DTNA: variants seen among roughly 807,000 people sequenced by gnomAD.
DTNA encodes the protein dystrophin-related protein 3.
DTNA carries 43 observed loss-of-function variants against 100.7 expected under a neutral mutation model. The ratio of observed to expected loss-of-function variants is 0.43; its 90% CI spans 0.33 to 0.55. DTNA has a LOEUF of 0.55. Ranked by LOEUF, DTNA falls within the 20% of genes least tolerant of loss-of-function variation. The pLI is 0.04. For missense variants in DTNA, 798 were observed against 953.9 expected (o/e 0.84, Z 2.15); for synonymous variants, 349 against 347.9 (o/e 1.00, Z -0.04).
At chr18:34,646,753 A>T (rs2059882578) in intron 1 of DTNA, among the ~76,000 whole-genome samples, 1 of 152,056 alleles carries the variant, frequency 6.6e-6, no homozygotes, top group South Asian at 2.1e-4. Context: ...CTGTCACCAG[A>T]CTGGAGTGCA....
intron 11 of DTNA, among the ~76,000 whole-genome samples, chr18:34,829,734 G>T (rs754523876): frequency 6.6e-6 from 1 of 152,156 alleles, no homozygotes; most frequent in Non-Finnish European, 1.5e-5. Context: ...ATGTATATAT[G>T]TGAAATGTAT....
intron 1 of DTNA, among the ~76,000 whole-genome samples, chr18:34,656,364 C>T (rs545881641): frequency 2.2e-4 from 33 of 152,240 alleles, no homozygotes; most frequent in Admixed American, 1.8e-3. Context: ...ATTTTCTGCA[C>T]GTCTTGCTAG....
At chr18:34,699,086 T>C (rs983776115) in intron 1 of DTNA, among the ~76,000 whole-genome samples, 2 of 151,786 alleles carry the variant, frequency 1.3e-5, no homozygotes, top group Non-Finnish European at 2.9e-5. Context: ...ATTTGAGATA[T>C]GAATTTTTGA....
chr18:34,645,805 G>A (rs966277823), intron 1 of DTNA, among the ~76,000 whole-genome samples: 5 of 150,664 alleles, frequency 3.3e-5, no homozygotes, highest in Non-Finnish European at 7.4e-5. Flanking sequence ...TTTAGAAGCT[G>A]GCTTACATAT....
chr18:34,847,408 C>T (rs1041603155), intron 13 of DTNA, among the ~76,000 whole-genome samples: 7 of 152,022 alleles, frequency 4.6e-5, no homozygotes, highest in Non-Finnish European at 8.8e-5. Context: ...TATTAGTTAC[C>T]TTATGCTGCA....
intron 3 of DTNA, among the ~76,000 whole-genome samples, chr18:34,767,874 G>C (rs2093571428): frequency 6.6e-6 from 1 of 152,232 alleles, no homozygotes; most frequent in Non-Finnish European, 1.5e-5. Context: ...CATCATATAT[G>C]TGTTTTGACT....
chr18:34,594,018 G>C (rs1037246326), intron 1 of DTNA, among the ~76,000 whole-genome samples: 2 of 152,054 alleles, frequency 1.3e-5, no homozygotes, highest in African/African-American at 2.4e-5. Flanking sequence ...GGAGCCTTTA[G>C]AAGATATTCT....
chr18:34,835,143 T>A lies in DTNA; in HGVS notation c.1176-2951T>A, dbSNP rs189475784. Among the ~76,000 whole-genome samples, 7 of 152,288 alleles carry A rather than the reference T, an allele frequency of 4.6e-5. No homozygotes were observed. The East Asian group carries it at 1.4e-3, about 29-fold the overall frequency. The stretch of plus-strand genomic sequence containing the variant: ...ATATTTTTGGCTTCCTGGAAACAGA[T>A]GATGAGAAGAAGAATTTGAGGCTAG... On this transcript the variant is annotated intron_variant, in intron 11 of 22. Coordinates refer to ENST00000444659, the MANE Select transcript of DTNA (RefSeq NM_001386795.1).
chr18:34,579,156 C>T (rs1039312178), intron 1 of DTNA, among the ~76,000 whole-genome samples: 1 of 151,990 alleles, frequency 6.6e-6, no homozygotes, highest in Non-Finnish European at 1.5e-5. Flanking sequence ...ATGTAAGAAC[C>T]TTTAAAAAGT....
chr18:34,624,070 C>T (rs184978614), intron 1 of DTNA, among the ~76,000 whole-genome samples: 102 of 152,194 alleles, frequency 6.7e-4, no homozygotes, highest in African/African-American at 2.4e-3. Context: ...AATGATTTCC[C>T]ATGACTGTCC....
intron 1 of DTNA, among the ~76,000 whole-genome samples, chr18:34,746,919 A>C (rs1427546585): frequency 6.6e-6 from 1 of 152,106 alleles, no homozygotes; most frequent in Non-Finnish European, 1.5e-5. Context: ...AAACCAAACG[A>C]AACCAAATGT....
intron 15 of DTNA, among the ~76,000 whole-genome samples, chr18:34,855,167 C>T (rs1254265876): frequency 6.6e-6 from 1 of 152,134 alleles, no homozygotes; most frequent in African/African-American, 2.4e-5. Context: ...AAGACACTTG[C>T]CAGGCTAGCA....
At position 34,743,718 on chromosome 18, in the gene DTNA, T is replaced by C. The variant is rs867461297; in HGVS notation, c.-1-12258T>C. Among the ~76,000 whole-genome samples, 14 of 152,298 alleles carry C rather than the reference T, an allele frequency of 9.2e-5. No individual in the cohort carries two copies. In the South Asian group the frequency reaches 2.1e-3, roughly 23 times the overall value. ...GTACAAATAATTTTGCAGAAACATA[T>C]AGTAGAATCAGTAGCGAGGAAGGGG... On this transcript the variant is annotated intron_variant, in intron 1 of 22. Coordinates refer to ENST00000444659, the MANE Select transcript of DTNA (RefSeq NM_001386795.1).
At position 34,889,638 on chromosome 18, in the gene DTNA, C is replaced by T; in HGVS notation, c.*1904C>T. ...CGATGTTCACATGTCTGCGTTTGGT[C>T]AGACATCATCTCCTTGGCTGCCCTT... On this transcript the variant is annotated 3_prime_UTR_variant, in exon 23 of 23. Transcript: ENST00000444659. 1.0e-6 allele frequency: 1 copy of T among 985,644 alleles called. No homozygotes were observed. Among genetic ancestry groups the T allele is most frequent in the Non-Finnish European group, 1.2e-6 (1 of 829,938 alleles). 61.1% of individuals were successfully genotyped at this position (985,644 alleles called of 1,614,324 possible).
chr18:34,839,386 A>G (rs1403569912), intron 13 of DTNA, among the ~76,000 whole-genome samples: 1 of 152,226 alleles, frequency 6.6e-6, no homozygotes, highest in Admixed American at 6.5e-5. Flanking sequence ...CTGCTTTCAC[A>G]TCTTGGAATA....
intron 1 of DTNA, among the ~76,000 whole-genome samples, chr18:34,720,055 T>C (rs1328644064): frequency 6.6e-6 from 1 of 152,202 alleles, no homozygotes; most frequent in Non-Finnish European, 1.5e-5. Flanking sequence ...AATATTTTTA[T>C]AACCTAAGGG....
chr18:34,650,491 G>A (rs2060319188), intron 1 of DTNA, among the ~76,000 whole-genome samples: 1 of 152,086 alleles, frequency 6.6e-6, no homozygotes, highest in Non-Finnish European at 1.5e-5. Flanking sequence ...TTATAGTAAT[G>A]GTGGAAATTA....
At chr18:34,706,395 A>T (rs900724781), upstream of DTNA, among the ~76,000 whole-genome samples, 2 of 152,200 alleles carry the variant, frequency 1.3e-5, no homozygotes, top group African/African-American at 4.8e-5. Flanking sequence ...TTATCTTTTC[A>T]TGAGAACATG....
At chr18:34,813,242 G>A (rs11659592) in intron 6 of DTNA, among the ~76,000 whole-genome samples, 15,821 of 151,092 alleles carry the variant, frequency 0.1, 867 homozygotes, top group Non-Finnish European at 0.12. Context: ...TTGGGAGGCC[G>A]AGGCTCAGGA....
Sources: allele counts gnomAD v4.1 joint callset (sites outside exome capture counted in the v4.1 genomes callset), GRCh38; gene constraint gnomAD v4.1.1; transcripts MANE v1.5; gene names NCBI Gene and HGNC (gene_info 2026-07-23, HGNC 2026-07-21).